COL23A1: variants seen among roughly 807,000 people sequenced by gnomAD.
COL23A1 encodes collagen alpha-1(XXIII) chain.
In COL23A1, 97 loss-of-function variants were observed where a neutral mutation model predicts 99.3. The ratio of observed to expected loss-of-function variants is 0.98; its 90% CI spans 0.83 to 1.16. The LOEUF (loss-of-function observed/expected upper bound fraction) is 1.16. Among genes scored for constraint, COL23A1 ranks in the 50% most tolerant of loss-of-function variants. The pLI is 0.00. For missense variants in COL23A1, 762 were observed against 757.4 expected, an observed-to-expected ratio of 1.01 and a Z score of -0.07; for synonymous variants, 320 against 308.2, an observed-to-expected ratio of 1.04 and a Z score of -0.40.
chr5:178,360,668 A>G (rs1277393647), intron 2 of COL23A1, among the ~76,000 whole-genome samples: 1 of 152,228 alleles, frequency 6.6e-6, no homozygotes, highest in Non-Finnish European at 1.5e-5. Context: ...CATGAAACAT[A>G]ATATGTTTCG....
chr5:178,499,947 T>C (rs1170503130), intron 2 of COL23A1, among the ~76,000 whole-genome samples: 1 of 152,172 alleles, frequency 6.6e-6, no homozygotes, highest in African/African-American at 2.4e-5. Flanking sequence ...AAAGAAACCA[T>C]ATCAAGCAAA....
At chr5:178,358,570 AATGTGT>A (rs1237462719) in intron 2 of COL23A1, among the ~76,000 whole-genome samples, 18 of 123,570 alleles carry the variant, frequency 1.5e-4, no homozygotes, top group Admixed American at 3.3e-4. Flanking sequence ...GTGTATGTCT[AATGTGT>A]ATGTGTATGT....
chr5:178,357,884 C>T (rs1334938829), intron 2 of COL23A1, among the ~76,000 whole-genome samples: 7 of 122,072 alleles, frequency 5.7e-5, no homozygotes, highest in South Asian at 5.4e-4. Flanking sequence ...TGCATGTGTA[C>T]GTGTGTGTGT....
intron 2 of COL23A1, among the ~76,000 whole-genome samples, chr5:178,367,139 G>A (rs1173015476): frequency 6.6e-6 from 1 of 152,150 alleles, no homozygotes; most frequent in East Asian, 1.9e-4. Context: ...TAGCCAAATC[G>A]TTATCTGAGG....
intron 2 of COL23A1, among the ~76,000 whole-genome samples, chr5:178,311,530 G>A (rs1431479335): frequency 6.7e-6 from 1 of 150,310 alleles, no homozygotes; most frequent in African/African-American, 2.5e-5. Context: ...GTGTGTGTGT[G>A]TAATGCGGGG....
At chr5:178,529,033 A>G (rs1239714208) in intron 2 of COL23A1, among the ~76,000 whole-genome samples, 1 of 152,224 alleles carries the variant, frequency 6.6e-6, no homozygotes, top group East Asian at 1.9e-4. Flanking sequence ...ATGGCCTCGC[A>G]GGGCTGGGCG....
intron 2 of COL23A1, among the ~76,000 whole-genome samples, chr5:178,489,759 G>A (rs774322522): frequency 2.6e-5 from 4 of 152,184 alleles, no homozygotes; most frequent in Non-Finnish European, 4.4e-5. Context: ...CAGCAATTCC[G>A]CTCCTCGATA....
chr5:178,572,558 C>T (rs1047393142), intron 1 of COL23A1, among the ~76,000 whole-genome samples: 1 of 152,130 alleles, frequency 6.6e-6, no homozygotes, highest in African/African-American at 2.4e-5. Context: ...ACATGAGCAA[C>T]TGGAATTGTC....
At chr5:178,564,195 G>A (rs997624018) in intron 1 of COL23A1, among the ~76,000 whole-genome samples, 3 of 152,088 alleles carry the variant, frequency 2.0e-5, no homozygotes, top group Non-Finnish European at 4.4e-5. Flanking sequence ...TGCTAGCGGC[G>A]GGATCACAGG....
intron 18 of COL23A1, among the ~76,000 whole-genome samples, chr5:178,249,504 T>TCA (rs544384454): frequency 2.0e-4 from 30 of 152,270 alleles, no homozygotes; most frequent in African/African-American, 7.2e-4. Context: ...AGCTCTGTGC[T>TCA]CACATCTCAG....
chr5:178,303,902 G>A (rs1440976445), intron 3 of COL23A1, among the ~76,000 whole-genome samples: 3 of 152,248 alleles, frequency 2.0e-5, no homozygotes, highest in Non-Finnish European at 4.4e-5. Flanking sequence ...GGCTGCGAGA[G>A]AAGGGGAGAG....
chr5:178,509,999 C>T (rs1395917206), intron 2 of COL23A1, among the ~76,000 whole-genome samples: 1 of 152,198 alleles, frequency 6.6e-6, no homozygotes, highest in East Asian at 1.9e-4. Context: ...CCATCTGGTC[C>T]TGCACGTAGG....
chr5:178,312,791 G>C (rs994760070), intron 2 of COL23A1, among the ~76,000 whole-genome samples: 2 of 150,358 alleles, frequency 1.3e-5, no homozygotes, highest in Admixed American at 6.6e-5. Context: ...CCTTCAGCCA[G>C]CCCCTGAGGA....
chr5:178,523,027 G>A (rs982074189), intron 2 of COL23A1, among the ~76,000 whole-genome samples: 5 of 151,744 alleles, frequency 3.3e-5, no homozygotes, highest in African/African-American at 1.2e-4. Context: ...CCAGCCAGGC[G>A]TGGTAGCTCA....
chr5:178,484,126 G>A (rs572994079), intron 2 of COL23A1, among the ~76,000 whole-genome samples: 74 of 152,040 alleles, frequency 4.9e-4, no homozygotes, highest in Non-Finnish European at 7.7e-4. Context: ...GGGTTTCACC[G>A]TGTTGGCCAG....
chr5:178,364,126 A>G (rs1272941601), intron 2 of COL23A1, among the ~76,000 whole-genome samples: 3 of 152,170 alleles, frequency 2.0e-5, no homozygotes, highest in Non-Finnish European at 4.4e-5. Context: ...CTTGTGCCAC[A>G]TGGACATTTA....
At chr5:178,322,529 C>T (rs1291938436) in intron 2 of COL23A1, among the ~76,000 whole-genome samples, 2 of 152,208 alleles carry the variant, frequency 1.3e-5, no homozygotes, top group Non-Finnish European at 2.9e-5. Flanking sequence ...GATTTGCGCG[C>T]TGCTTCTGTG....
intron 2 of COL23A1, among the ~76,000 whole-genome samples, chr5:178,326,473 G>T (rs1759669453): frequency 6.6e-6 from 1 of 151,016 alleles, no homozygotes; most frequent in African/African-American, 2.4e-5. Flanking sequence ...GCCCCAGCTT[G>T]CTGGGACCTT....
At chr5:178,320,930 T>C (rs777528240) in intron 2 of COL23A1, among the ~76,000 whole-genome samples, 1 of 152,188 alleles carries the variant, frequency 6.6e-6, no homozygotes, top group Non-Finnish European at 1.5e-5. Flanking sequence ...AGGTGGGGTG[T>C]GGGCAGGCTG....
Sources: allele counts gnomAD v4.1 joint callset (sites outside exome capture counted in the v4.1 genomes callset), GRCh38; gene constraint gnomAD v4.1.1; transcripts MANE v1.5; gene names NCBI Gene and HGNC (gene_info 2026-07-23, HGNC 2026-07-21).